Variants in GKAP1 observed in about 807,000 individuals in gnomAD.
GKAP1 encodes G kinase-anchoring protein 1.
GKAP1 carries 31 observed loss-of-function variants against 56.7 expected under a neutral mutation model. The ratio of observed to expected loss-of-function variants is 0.55; its 90% confidence interval spans 0.41 to 0.74. The LOEUF (loss-of-function observed/expected upper bound fraction) is 0.74, where lower values mean the gene tolerates loss of function less well. GKAP1 is among the 30% of genes least tolerant of loss of function. The pLI is 0.00. For synonymous variants in GKAP1, 151 were observed against 138.6 expected (o/e 1.09, Z -0.63); for missense variants, 364 against 402.3 (o/e 0.90, Z 0.82).
chr9:83,813,908 T>C (rs536701788), intron 2 of GKAP1, among the ~76,000 whole-genome samples: 23 of 152,194 alleles, frequency 1.5e-4, no homozygotes, highest in East Asian at 1.2e-3. Context: ...CAAGATCAGC[T>C]AGGGAAACAT....
At chr9:83,758,954 T>A (rs1943523116) in intron 8 of GKAP1, among the ~76,000 whole-genome samples, 1 of 152,260 alleles carries the variant, frequency 6.6e-6, no homozygotes, top group Non-Finnish European at 1.5e-5. Context: ...ACTGCATGAA[T>A]CCTCTTTTCT....
rs1282192912 is a variant in GKAP1 at position 83,780,395 on chromosome 9, C to T, written c.572G>A (p.Ser191Asn). The stretch of plus-strand genomic sequence containing the variant: ...AATAAGACTTACCTCAGTCTTTTTA[C>T]TAATGTGATCTGTAAATGAAAAAGA... ...LKDFHSEDHI[S>N]KKTEELSSSQ... is the part of the protein sequence containing the mutation. The change falls in exon 7 of 13, where the codon AGT (serine) becomes AAT (asparagine). Residue 191 changes from serine to asparagine, a missense_variant. Physicochemically the swap from Ser to Asn is conservative, Grantham distance 46 (BLOSUM62 1). Coordinates refer to ENST00000376371, the MANE Select transcript of GKAP1 (RefSeq NM_025211.4). 1.7e-6 allele frequency: 2 copies of T among 1,183,014 alleles called. No homozygotes were observed. Among genetic ancestry groups the T allele is most frequent in the African/African-American group, 1.7e-5 (1 of 59,428 alleles). 73.3% of individuals were successfully genotyped at this position (1,183,014 alleles called of 1,614,324 possible).
chr9:83,790,208 G>A (rs542442072), intron 4 of GKAP1, among the ~76,000 whole-genome samples: 19 of 152,088 alleles, frequency 1.2e-4, no homozygotes, highest in Non-Finnish European at 2.4e-4. Flanking sequence ...AATTAAAATG[G>A]TAAGGATATA....
rs1447577055 is a variant in GKAP1 at position 83,779,527 on chromosome 9, G to GTACACA, written c.585+854_585+855insTGTGTA. Among the ~76,000 whole-genome samples, 226 of 106,362 alleles carry GTACACA rather than the reference G, an allele frequency of 2.1e-3. 2 individuals carry two copies. Among genetic ancestry groups the GTACACA allele is most frequent in the African/African-American group, 8.0e-3 (223 of 28,040 alleles). 69.8% of individuals were successfully genotyped at this position (106,362 alleles called of 152,430 possible). On this transcript the variant is annotated intron_variant, in intron 7 of 12. Coordinates refer to ENST00000376371, the MANE Select transcript of GKAP1 (RefSeq NM_025211.4). ...CATATATGTGTATATATATACACGT[G>GTACACA]TATATGTGTATATATATACACGTGT...
intron 8 of GKAP1, among the ~76,000 whole-genome samples, chr9:83,756,896 ATT>A (rs1943487141): frequency 6.6e-6 from 1 of 152,186 alleles, no homozygotes; most frequent in Non-Finnish European, 1.5e-5. Context: ...ACAAAGTCAT[ATT>A]GTTTTAATGT....
At chr9:83,794,230 A>G (rs1026336314) in intron 4 of GKAP1, among the ~76,000 whole-genome samples, 2 of 152,186 alleles carry the variant, frequency 1.3e-5, no homozygotes, top group African/African-American at 4.8e-5. Context: ...TGGCCTGAAG[A>G]TATCACAGTT....
intron 4 of GKAP1, among the ~76,000 whole-genome samples, chr9:83,796,093 A>G (rs1944241760): frequency 6.6e-6 from 1 of 152,090 alleles, no homozygotes; most frequent in Non-Finnish European, 1.5e-5. Flanking sequence ...GATTTTATCA[A>G]AATAATCTTT....
intron 12 of GKAP1, among the ~76,000 whole-genome samples, chr9:83,740,210 A>C (rs1383789316): frequency 2.6e-5 from 4 of 152,118 alleles, no homozygotes; most frequent in Non-Finnish European, 5.9e-5. Context: ...TCATTAGTGG[A>C]TTGAAAACTA....
intron 3 of GKAP1, 146 bp from the exon 4 acceptor site, chr9:83,799,474 T>C: frequency 1.7e-6 from 1 of 593,890 alleles, no homozygotes; most frequent in Non-Finnish European, 2.9e-6. Context: ...AAGTTATTAT[T>C]TGTGTTTTCT....
intron 8 of GKAP1, among the ~76,000 whole-genome samples, chr9:83,754,327 C>A (rs900213976): frequency 6.6e-6 from 1 of 152,110 alleles, no homozygotes; most frequent in Non-Finnish European, 1.5e-5. Context: ...AAAATCACCC[C>A]AAAGTCATAC....
At chr9:83,791,130 T>A (rs1222370745) in intron 4 of GKAP1, among the ~76,000 whole-genome samples, 1 of 152,072 alleles carries the variant, frequency 6.6e-6, no homozygotes, top group African/African-American at 2.4e-5. Flanking sequence ...AGGCCAGGCG[T>A]GGTGGCTCAT....
chr9:83,767,840 C>T (rs758490897), intron 8 of GKAP1, among the ~76,000 whole-genome samples: 2 of 152,058 alleles, frequency 1.3e-5, no homozygotes, highest in Non-Finnish European at 2.9e-5. Flanking sequence ...GCATGTGCCA[C>T]CATGCTTGGC....
At chr9:83,796,238 C>T (rs1944244913) in intron 4 of GKAP1, among the ~76,000 whole-genome samples, 1 of 151,954 alleles carries the variant, frequency 6.6e-6, no homozygotes, top group African/African-American at 2.4e-5. Flanking sequence ...GGCCTATCAA[C>T]ATAATCTCTA....
chr9:83,786,066 A>G (rs1195018499), intron 5 of GKAP1, among the ~76,000 whole-genome samples: 2 of 152,174 alleles, frequency 1.3e-5, no homozygotes, highest in Non-Finnish European at 2.9e-5. Flanking sequence ...CTCTTTAAAG[A>G]ATCCTTTCCT....
At chr9:83,747,761 C>T (rs1239357307) in intron 10 of GKAP1, among the ~76,000 whole-genome samples, 1 of 151,980 alleles carries the variant, frequency 6.6e-6, no homozygotes, top group African/African-American at 2.4e-5. Flanking sequence ...CTCAGTTTCC[C>T]GAGCAGCTGG....
Position 83,739,745 on chromosome 9 carries a change from C to G in GKAP1, c.1054-1G>C. The stretch of plus-strand genomic sequence containing the variant: ...AGTTTCTTTTCCCTTTTCTGCCACC[C>G]TGTAAAAAAAAAAAAAAATAGGGAA... On this transcript the variant is annotated splice_acceptor_variant, in intron 12 of 12. Coordinates refer to ENST00000376371, the MANE Select transcript of GKAP1 (RefSeq NM_025211.4). LOFTEE classifies it high-confidence loss of function. 6.2e-7 allele frequency: 1 copy of G among 1,601,714 alleles called. No homozygotes were observed. Among genetic ancestry groups the G allele is most frequent in the Non-Finnish European group, 8.5e-7 (1 of 1,175,038 alleles).
At chr9:83,764,028 C>T (rs1374412959) in intron 8 of GKAP1, among the ~76,000 whole-genome samples, 1 of 152,046 alleles carries the variant, frequency 6.6e-6, no homozygotes, top group Admixed American at 6.6e-5. Flanking sequence ...AATATCATTC[C>T]TTCTATCCAA....
At chr9:83,773,606 T>C (rs926957403) in intron 7 of GKAP1, among the ~76,000 whole-genome samples, 4 of 152,184 alleles carry the variant, frequency 2.6e-5, no homozygotes, top group African/African-American at 9.7e-5. Flanking sequence ...GGCCCATCTA[T>C]ATACTCTTCC....
Position 83,739,569 on chromosome 9 carries a change from G to C in GKAP1, c.*128C>G. On this transcript the variant is annotated 3_prime_UTR_variant, in exon 13 of 13. Coordinates refer to ENST00000376371, the MANE Select transcript of GKAP1 (RefSeq NM_025211.4). The stretch of plus-strand genomic sequence containing the variant: ...AAGAAATAAAATTATAGACCATTAG[G>C]GAGCTAGTTGCTTTTAGTTCCTTCA... The C allele has an allele frequency of 1.8e-6, 1 of 556,138 alleles. No homozygotes were observed. The highest frequency in any genetic ancestry group is 3.2e-6 in the Non-Finnish European group (1 of 315,860). The allele number at this position is 556,138 out of a possible 1,614,324, so 34.5% of individuals were successfully genotyped here.
Sources: allele counts gnomAD v4.1 joint callset (sites outside exome capture counted in the v4.1 genomes callset), GRCh38; gene constraint gnomAD v4.1.1; transcripts MANE v1.5; gene names NCBI Gene and HGNC (gene_info 2026-07-23, HGNC 2026-07-21).